ADGRL2: variants seen among roughly 807,000 people sequenced by gnomAD.
ADGRL2 encodes calcium-independent alpha-latrotoxin receptor 2.
ADGRL2 carries 44 observed loss-of-function variants against 157.4 expected under a neutral mutation model. That is an observed-to-expected ratio of 0.28 (90% CI 0.22 to 0.36). ADGRL2 has a LOEUF of 0.36. Ranked by LOEUF, ADGRL2 falls within the 10% of genes least tolerant of loss-of-function variation. ADGRL2 has a pLI of 1.00. For missense variants in ADGRL2, 1,510 were observed against 1,768.9 expected, an observed-to-expected ratio of 0.85 and a Z score of 2.63; for synonymous variants, 585 against 624.7, an observed-to-expected ratio of 0.94 and a Z score of 0.95.
chr1:81,583,853 C>T (rs897358979), intron 3 of ADGRL2, among the ~76,000 whole-genome samples: 1 of 150,572 alleles, frequency 6.6e-6, no homozygotes, highest in Non-Finnish European at 1.5e-5. Flanking sequence ...AGCAACTTAG[C>T]TAAGAATCAA....
intron 2 of ADGRL2, among the ~76,000 whole-genome samples, chr1:81,766,710 A>C (rs1398088776): frequency 6.6e-6 from 1 of 151,766 alleles, no homozygotes; most frequent in Non-Finnish European, 1.5e-5. Context: ...CATGCCTGTA[A>C]TCCCAGCTAC....
intron 3 of ADGRL2, among the ~76,000 whole-genome samples, chr1:81,921,647 G>A (rs1029395981): frequency 7.2e-5 from 11 of 152,136 alleles, no homozygotes; most frequent in Non-Finnish European, 1.0e-4. Flanking sequence ...TTGATGAACC[G>A]AGCCTTTCAG....
At chr1:81,697,706 C>T (rs1008763680), upstream of ADGRL2, among the ~76,000 whole-genome samples, 7 of 152,104 alleles carry the variant, frequency 4.6e-5, no homozygotes, top group African/African-American at 1.4e-4. Context: ...CAGAGATAAG[C>T]TCTAGAATGG....
intron 2 of ADGRL2, among the ~76,000 whole-genome samples, chr1:81,548,601 T>C (rs1256040462): frequency 1.3e-5 from 2 of 152,110 alleles, no homozygotes; most frequent in African/African-American, 4.8e-5. Flanking sequence ...CCTCTTTGGG[T>C]TATCCTCTCA....
intron 2 of ADGRL2, among the ~76,000 whole-genome samples, chr1:81,886,995 A>C (rs1290175049): frequency 6.6e-6 from 1 of 152,184 alleles, no homozygotes; most frequent in Non-Finnish European, 1.5e-5. Flanking sequence ...CTTAGGCCCG[A>C]TATCTAGAGA....
At chr1:81,412,824 C>T (rs902756206) in intron 1 of ADGRL2, among the ~76,000 whole-genome samples, 5 of 151,966 alleles carry the variant, frequency 3.3e-5, no homozygotes, top group Non-Finnish European at 7.4e-5. Flanking sequence ...ATGAGTCAGT[C>T]CAATGTGTGT....
At chr1:81,944,122 G>T (rs1464105562) in intron 6 of ADGRL2, among the ~76,000 whole-genome samples, 1 of 151,896 alleles carries the variant, frequency 6.6e-6, no homozygotes, top group South Asian at 2.1e-4. Flanking sequence ...ACTTCTTGGC[G>T]CCAGTGGTTA....
intron 1 of ADGRL2, among the ~76,000 whole-genome samples, chr1:81,438,451 T>C: frequency 6.6e-6 from 1 of 152,238 alleles, no homozygotes; most frequent in South Asian, 2.1e-4. Context: ...TTATCTATTA[T>C]ATCAACATGT....
intron 1 of ADGRL2, among the ~76,000 whole-genome samples, chr1:81,745,356 T>C (rs1488736837): frequency 1.3e-5 from 2 of 152,200 alleles, no homozygotes; most frequent in Non-Finnish European, 2.9e-5. Flanking sequence ...ACTTCCTCAA[T>C]TGTAAGATAG....
chr1:81,426,848 G>A (rs1249836545), intron 1 of ADGRL2: 3 of 570,710 alleles, frequency 5.3e-6, no homozygotes, highest in Admixed American at 2.0e-5. Flanking sequence ...TTCCTTGGTG[G>A]TATTAAAGAA....
At chr1:81,499,483 T>A (rs1557736963) in intron 2 of ADGRL2, among the ~76,000 whole-genome samples, 1 of 152,264 alleles carries the variant, frequency 6.6e-6, no homozygotes, top group Non-Finnish European at 1.5e-5. Context: ...GTTAAAATTA[T>A]CACAAAACAT....
intron 1 of ADGRL2, among the ~76,000 whole-genome samples, chr1:81,434,744 A>C (rs572878757): frequency 1.3e-5 from 2 of 152,326 alleles, no homozygotes; most frequent in East Asian, 3.9e-4. Flanking sequence ...GGGGAAGCAC[A>C]AAATATATTA....
chr1:81,946,680 G>A (rs556038441), intron 6 of ADGRL2, among the ~76,000 whole-genome samples: 1 of 152,188 alleles, frequency 6.6e-6, no homozygotes, highest in South Asian at 2.1e-4. Context: ...TATAAAGAGA[G>A]CCATTTTGTT....
chr1:81,361,553 C>G (rs2100915033), intron 1 of ADGRL2, among the ~76,000 whole-genome samples: 1 of 151,984 alleles, frequency 6.6e-6, no homozygotes, highest in Non-Finnish European at 1.5e-5. Context: ...CCTGGTATCA[C>G]AAAGGACACT....
chr1:81,952,736 CT>C (rs11340252), intron 9 of ADGRL2, among the ~76,000 whole-genome samples: 42,081 of 149,354 alleles, frequency 0.28, 6,354 homozygotes, highest in Middle Eastern at 0.37. Context: ...AAAAAATTGA[CT>C]TTTTTTTTTA....
At chr1:81,972,038 G>A (rs536480427) in intron 17 of ADGRL2, 120 bp downstream of exon 17, 5 of 514,900 alleles carry the variant, frequency 9.7e-6, no homozygotes, top group Non-Finnish European at 1.7e-5. Context: ...AAATATGCCT[G>A]TCTCACAGGA....
chr1:81,838,293 C>A (rs74095943), intron 2 of ADGRL2, among the ~76,000 whole-genome samples: 3,298 of 152,012 alleles, frequency 0.022, 119 homozygotes, highest in African/African-American at 0.076. Flanking sequence ...AAATAAATAA[C>A]AAATTTAGAA....
chr1:81,308,622 C>G (rs1659517948), intron 1 of ADGRL2, among the ~76,000 whole-genome samples: 1 of 152,138 alleles, frequency 6.6e-6, no homozygotes, highest in Non-Finnish European at 1.5e-5. Flanking sequence ...AACCAAATTA[C>G]CAGGGTTTGA....
chr1:81,579,039 C>T (rs2148529709), intron 2 of ADGRL2, among the ~76,000 whole-genome samples: 1 of 152,270 alleles, frequency 6.6e-6, no homozygotes, highest in East Asian at 1.9e-4. Context: ...GAGGAAAACA[C>T]AGCTAGTACC....
Sources: gnomAD v4.1 joint callset for allele counts (sites outside exome capture counted in the v4.1 genomes callset) on GRCh38, gnomAD v4.1.1 for gene constraint, MANE v1.5 for transcripts, NCBI Gene and HGNC (gene_info 2026-07-23, HGNC 2026-07-21) for gene names.